PCYT1A: variants seen among roughly 807,000 people sequenced by gnomAD.
PCYT1A encodes choline-phosphate cytidylyltransferase A.
PCYT1A carries 25 observed loss-of-function variants against 43.7 expected under a neutral mutation model. The ratio of observed to expected loss-of-function variants is 0.57; its 90% CI spans 0.42 to 0.80. The LOEUF is 0.80. PCYT1A is among the 30% of genes least tolerant of loss of function. PCYT1A has a pLI of 0.00. For synonymous variants in PCYT1A, 172 were observed against 170.7 expected (o/e 1.01, Z -0.06); for missense variants, 421 against 474.2 (o/e 0.89, Z 1.04).
intron 1 of PCYT1A, among the ~76,000 whole-genome samples, chr3:196,272,299 C>T (rs529574734): frequency 6.6e-6 from 1 of 152,214 alleles, no homozygotes; most frequent in East Asian, 1.9e-4. Flanking sequence ...ATTCTCCTGC[C>T]TCAGCCTCCT....
rs528677777 is a variant in PCYT1A, at chr3:196,274,673, G to C, written c.-10-4132C>G. ...CTGCCCTACTGCCTCTCATAAGCCT[G>C]ACTGAGATGTTCGTCTAAACAACTG... On this transcript the variant is annotated intron_variant, in intron 1 of 8. Transcript: ENST00000431016. Among the ~76,000 whole-genome samples the C allele has an allele frequency of 9.2e-5, 14 of 152,302 alleles. No homozygotes were observed. The South Asian group carries it at 2.9e-3, about 32-fold the overall frequency.
At chr3:196,246,301 C>T (rs945951825) in intron 5 of PCYT1A, among the ~76,000 whole-genome samples, 1 of 152,192 alleles carries the variant, frequency 6.6e-6, no homozygotes, top group Admixed American at 6.5e-5. Context: ...CTGTAGAGAA[C>T]TGACAACATG....
chr3:196,276,904 C>A (rs1417322248), intron 1 of PCYT1A, among the ~76,000 whole-genome samples: 6 of 151,994 alleles, frequency 3.9e-5, no homozygotes, highest in African/African-American at 1.4e-4. Context: ...CCACTACACT[C>A]CAGCCTGGAC....
chr3:196,259,526 G>GT (rs933159417), intron 2 of PCYT1A, among the ~76,000 whole-genome samples: 7 of 151,816 alleles, frequency 4.6e-5, no homozygotes, highest in Non-Finnish European at 7.4e-5. Context: ...ATTAAAACAC[G>GT]TTTTTTTTGT....
At chr3:196,258,894 T>C (rs1475716173) in intron 2 of PCYT1A, among the ~76,000 whole-genome samples, 2 of 152,162 alleles carry the variant, frequency 1.3e-5, no homozygotes, top group Non-Finnish European at 2.9e-5. Context: ...GCCTCTGGCC[T>C]GGGATTTTTA....
Position 196,243,065 on chromosome 3 carries a change from T to C in PCYT1A, c.487-425A>G, listed in dbSNP as rs575079177. The C allele has an allele frequency of 4.5e-3, 817 of 182,334 alleles. 7 individuals are homozygous for C. Among genetic ancestry groups the C allele is most frequent in the African/African-American group, 0.018 (744 of 42,448 alleles). The allele number at this position is 182,334 out of a possible 1,614,324, so 11.3% of individuals were successfully genotyped here. A position where few individuals can be genotyped will look rare whatever the true frequency, so the allele number is the denominator to read the frequency against. ...GAGAAAGGCCAGGCACGGTGGCTCATGCCTGTAATCCCAGCACTTTGGGAG... is the reference window on the plus strand; with the variant it reads ...GAGAAAGGCCAGGCACGGTGGCTCACGCCTGTAATCCCAGCACTTTGGGAG... On this transcript the variant is annotated intron_variant, in intron 5 of 8. Coordinates refer to ENST00000431016, the MANE Select transcript of PCYT1A (RefSeq NM_001312673.2).
chr3:196,258,318 T>C (rs1725008031), intron 2 of PCYT1A, among the ~76,000 whole-genome samples: 1 of 151,768 alleles, frequency 6.6e-6, no homozygotes, highest in South Asian at 2.1e-4. Flanking sequence ...TTGTTATTCC[T>C]ATGTATTTTA....
At chr3:196,244,936 C>G (rs1409375869) in intron 5 of PCYT1A, among the ~76,000 whole-genome samples, 1 of 152,146 alleles carries the variant, frequency 6.6e-6, no homozygotes, top group Non-Finnish European at 1.5e-5. Context: ...CTCAAGTACC[C>G]AGGGACACAA....
At chr3:196,238,983 G>A (rs927003408) in intron 8 of PCYT1A, 89 bp from the exon 9 acceptor site, 8 of 727,862 alleles carry the variant, frequency 1.1e-5, no homozygotes, top group Non-Finnish European at 1.6e-5. Context: ...AGTCTATGCT[G>A]TACTATTTAT....
chr3:196,254,474 C>T (rs1724897069), intron 3 of PCYT1A, among the ~76,000 whole-genome samples: 1 of 152,152 alleles, frequency 6.6e-6, no homozygotes, highest in Non-Finnish European at 1.5e-5. Flanking sequence ...CCTCAGCCTC[C>T]TGAGTGGCTG....
intron 3 of PCYT1A, among the ~76,000 whole-genome samples, chr3:196,255,297 T>C (rs1261298632): frequency 6.6e-6 from 1 of 152,218 alleles, no homozygotes; most frequent in Non-Finnish European, 1.5e-5. Context: ...ATTCTAATGC[T>C]TACAATGAGT....
Position 196,268,190 on chromosome 3 carries a change from A to C in PCYT1A, c.117+2225T>G, listed in dbSNP as rs1004617359. Among the ~76,000 whole-genome samples, 1 of 152,048 alleles carries C rather than the reference A, an allele frequency of 6.6e-6. No homozygotes were observed. The highest frequency in any genetic ancestry group is 6.6e-5 in the Admixed American group (1 of 15,240). On this transcript the variant is annotated intron_variant, in intron 2 of 8. Transcript: ENST00000431016. The surrounding 1 kb of genome is among the most constrained non-coding windows in gnomAD (Gnocchi z 4.4). ...TTTAAGTTTTCTCAGAGCTCATTCC[A>C]CTGAAAAGACTGGCTTCCTTTGCTT...
chr3:196,239,008 CTG>C, intron 8 of PCYT1A, 114 bp from the exon 9 acceptor site: 1 of 523,772 alleles, frequency 1.9e-6, no homozygotes, highest in Non-Finnish European at 3.0e-6. Flanking sequence ...GGGTTCTCCC[CTG>C]CTGTCATCAC....
At chr3:196,241,719 T>A in intron 7 of PCYT1A, 1 of 1,388,168 alleles carries the variant, frequency 7.2e-7, no homozygotes, top group East Asian at 2.7e-5. Flanking sequence ...AATTACTCAT[T>A]TATTTAGTTG....
chr3:196,248,214 A>T lies in PCYT1A; in HGVS notation c.327T>A (p.Ile109=), dbSNP rs756094916. ...CACCAAATGTTTTCTTACCTCCCAC[A>T]ATGAGGTACGTATTAGGGAAAAGGT... ...AKNLFPNTYL[I]VGVCSDELTH... Residue 109 remains isoleucine (I), a synonymous_variant, in exon 4 of 9, where the codon ATT becomes ATA. Transcript: ENST00000431016. The T allele has an allele frequency of 1.7e-5, 27 of 1,573,090 alleles. No individual in the cohort carries two copies. Among genetic ancestry groups the T allele is most frequent in the Non-Finnish European group, 2.2e-5 (25 of 1,142,562 alleles).
intron 7 of PCYT1A, chr3:196,241,626 C>T: frequency 4.5e-6 from 6 of 1,330,460 alleles, no homozygotes; most frequent in Non-Finnish European, 5.9e-6. Flanking sequence ...CGCAGGTTCC[C>T]AAGACATCAT....
intron 3 of PCYT1A, among the ~76,000 whole-genome samples, chr3:196,254,990 ATTTG>A (rs1724909845): frequency 6.6e-6 from 1 of 151,920 alleles, no homozygotes; most frequent in Admixed American, 6.6e-5. Flanking sequence ...CTCAAATCAT[ATTTG>A]TTTTTCTCTA....
At chr3:196,239,276 A>G (rs545252219) in intron 8 of PCYT1A, among the ~76,000 whole-genome samples, 1 of 152,286 alleles carries the variant, frequency 6.6e-6, no homozygotes, top group South Asian at 2.1e-4. Context: ...CTAAAATCAT[A>G]CCACAGATAA....
rs1277573106 is a variant in PCYT1A, at chr3:196,273,998, G to A, written c.-10-3457C>T. 6.6e-6 allele frequency among the ~76,000 whole-genome samples: 1 copy of A among 152,250 alleles called. No homozygotes were observed. Among genetic ancestry groups the A allele is most frequent in the African/African-American group, 2.4e-5 (1 of 41,474 alleles). Reference sequence around the variant, plus strand: ...TGGAGCTGCTCTCAGCTCCGCCTTGGCGTCCCCTCCTGTGCTGCTGGACAC... The same window carrying A: ...TGGAGCTGCTCTCAGCTCCGCCTTGACGTCCCCTCCTGTGCTGCTGGACAC... On this transcript the variant is annotated intron_variant, in intron 1 of 8. Coordinates refer to ENST00000431016, the MANE Select transcript of PCYT1A (RefSeq NM_001312673.2). This position sits in a 1 kb window ranked among gnomAD's most constrained non-coding sequence, Gnocchi z 4.1.
Sources: allele counts gnomAD v4.1 joint callset (sites outside exome capture counted in the v4.1 genomes callset), GRCh38; gene constraint gnomAD v4.1.1; non-coding constraint Gnocchi (gnomAD v3.1); transcripts MANE v1.5; gene names NCBI Gene and HGNC (gene_info 2026-07-23, HGNC 2026-07-21).